CPA6: variants seen among roughly 807,000 people sequenced by gnomAD.
CPA6 encodes carboxypeptidase A6, also known as carboxypeptidase B.
Under a neutral mutation model 63.3 loss-of-function variants are expected in CPA6, and 58 were observed. That is an observed-to-expected ratio of 0.92 (90% CI 0.74 to 1.14). The LOEUF is 1.14. Among genes scored for constraint, CPA6 ranks in the 50% most tolerant of loss-of-function variants. The pLI, the probability that CPA6 is intolerant of heterozygous loss-of-function variation, is 0.00. For synonymous variants in CPA6, 185 were observed against 179.0 expected (o/e 1.03, Z -0.27); for missense variants, 565 against 526.6 (o/e 1.07, Z -0.71).
chr8:67,629,855 C>G (rs73251050), intron 1 of CPA6, among the ~76,000 whole-genome samples: 37,097 of 151,778 alleles, frequency 0.24, 4,641 homozygotes, highest in Middle Eastern at 0.34. Flanking sequence ...ACCTGTAATC[C>G]CAGTACTTTG....
intron 8 of CPA6, among the ~76,000 whole-genome samples, chr8:67,447,559 A>C: frequency 6.7e-6 from 1 of 149,360 alleles, no homozygotes; most frequent in Non-Finnish European, 1.5e-5. Flanking sequence ...ACACATTTTA[A>C]ATAGGTGATA....
At chr8:67,730,051 T>C (rs1817678257) in intron 1 of CPA6, among the ~76,000 whole-genome samples, 1 of 152,234 alleles carries the variant, frequency 6.6e-6, no homozygotes, top group Admixed American at 6.5e-5. Context: ...CAACAAGCAA[T>C]TCTCTCACAC....
intron 2 of CPA6, among the ~76,000 whole-genome samples, chr8:67,590,985 C>A (rs1427119872): frequency 2.6e-5 from 4 of 152,120 alleles, no homozygotes; most frequent in African/African-American, 7.2e-5. Context: ...AATGGTAATG[C>A]CTAGGTTTTC....
At chr8:67,490,343 G>A (rs1191804918) in intron 6 of CPA6, among the ~76,000 whole-genome samples, 1 of 152,140 alleles carries the variant, frequency 6.6e-6, no homozygotes, top group East Asian at 1.9e-4. Flanking sequence ...AAAAGGAGAT[G>A]CCCAATAATC....
chr8:67,653,144 C>T (rs935324282), intron 1 of CPA6, among the ~76,000 whole-genome samples: 1 of 151,108 alleles, frequency 6.6e-6, no homozygotes, highest in Non-Finnish European at 1.5e-5. Flanking sequence ...GTTACTGTAG[C>T]CTTGTAGTAT....
At chr8:67,670,238 T>C (rs568750270) in intron 1 of CPA6, among the ~76,000 whole-genome samples, 3 of 152,280 alleles carry the variant, frequency 2.0e-5, no homozygotes, top group Non-Finnish European at 4.4e-5. Flanking sequence ...ACATAATGGC[T>C]TCTGGGGAGG....
intron 1 of CPA6, among the ~76,000 whole-genome samples, chr8:67,713,077 GTGTGTA>G (rs1200474036): frequency 2.0e-4 from 17 of 83,080 alleles, no homozygotes; most frequent in South Asian, 1.6e-3. Context: ...GTGTATCTGT[GTGTGTA>G]TGTGTGTGTG....
intron 2 of CPA6, among the ~76,000 whole-genome samples, chr8:67,582,994 C>T (rs1048299613): frequency 6.6e-6 from 1 of 152,008 alleles, no homozygotes; most frequent in Non-Finnish European, 1.5e-5. Context: ...GTTTTGGCTA[C>T]TGAGAAGTAC....
At chr8:67,504,938 G>T (rs975712570) in intron 6 of CPA6, among the ~76,000 whole-genome samples, 1 of 152,158 alleles carries the variant, frequency 6.6e-6, no homozygotes, top group Non-Finnish European at 1.5e-5. Flanking sequence ...ATGATGTATC[G>T]GTGGAAATGG....
chr8:67,428,798 T>G (rs1809954060), intron 9 of CPA6, among the ~76,000 whole-genome samples: 1 of 152,188 alleles, frequency 6.6e-6, no homozygotes. Context: ...TACCTATTTC[T>G]ATAAGTTACA....
chr8:67,482,950 T>C (rs1811390169), intron 8 of CPA6, among the ~76,000 whole-genome samples: 1 of 152,188 alleles, frequency 6.6e-6, no homozygotes, highest in African/African-American at 2.4e-5. Flanking sequence ...GCTAGTGGGA[T>C]GGGAGGATTG....
At chr8:67,646,827 C>T (rs1285522847) in intron 1 of CPA6, among the ~76,000 whole-genome samples, 1 of 152,104 alleles carries the variant, frequency 6.6e-6, no homozygotes, top group African/African-American at 2.4e-5. Flanking sequence ...ATAGGCTTGC[C>T]CTGTTTGAGG....
In CPA6 at chr8:67,484,766, G is replaced by T. The variant is rs760763469; in HGVS notation, c.660C>A (p.Asp220Glu). ...GATTCAACATTTTTCTCATGGCTGGGTCACTCTTATATGTTAGAAGAGCCT... is the reference window on the plus strand; with the variant it reads ...GATTCAACATTTTTCTCATGGCTGGTTCACTCTTATATGTTAGAAGAGCCT... ...VKEALLTYKS[D>E]PAMRKMLNHL... Residue 220 changes from aspartate to glutamate, a missense_variant, in exon 7 of 11, where the codon GAC becomes GAA. Transcript: ENST00000297770. 9 of 1,606,498 alleles carry T rather than the reference G, an allele frequency of 5.6e-6. No homozygotes were observed. Among genetic ancestry groups the T allele is most frequent in the Non-Finnish European group, 7.7e-6 (9 of 1,173,398 alleles).
chr8:67,696,708 T>C (rs1174844380), intron 1 of CPA6, among the ~76,000 whole-genome samples: 5 of 151,464 alleles, frequency 3.3e-5, no homozygotes, highest in Non-Finnish European at 1.5e-5. Flanking sequence ...GCTACAAATA[T>C]ATGAACTACA....
At chr8:67,698,167 T>C (rs1298711316) in intron 1 of CPA6, among the ~76,000 whole-genome samples, 1 of 152,176 alleles carries the variant, frequency 6.6e-6, no homozygotes, top group Non-Finnish European at 1.5e-5. Context: ...ATGAAGAGCC[T>C]TTGACTAGAT....
intron 4 of CPA6, among the ~76,000 whole-genome samples, chr8:67,509,876 A>G (rs1812008442): frequency 6.6e-6 from 1 of 152,186 alleles, no homozygotes; most frequent in African/African-American, 2.4e-5. Context: ...CTACTACCAT[A>G]TATCATTAAT....
In CPA6 at chr8:67,647,525, A is replaced by C. The variant is rs376394999; in HGVS notation, c.117-23274T>G. ...TAATTTGAGGTGTTGCAGCTCAGAA[A>C]CCAATGCCACAAAATACGATGCTTT... On this transcript the variant is annotated intron_variant, in intron 1 of 10. Transcript: ENST00000297770. Among the ~76,000 whole-genome samples, 10 of 152,218 alleles carry C rather than the reference A, an allele frequency of 6.6e-5. 1 individual carries two copies. Among genetic ancestry groups the C allele is most frequent in the Admixed American group, 2.6e-4 (4 of 15,288 alleles).
chr8:67,553,631 A>AC (rs1812998120), intron 2 of CPA6, among the ~76,000 whole-genome samples: 1 of 152,168 alleles, frequency 6.6e-6, no homozygotes, highest in South Asian at 2.1e-4. Context: ...GAGTGGAAAA[A>AC]ATAATCATTT....
At chr8:67,711,877 C>G (rs1817269414) in intron 1 of CPA6, among the ~76,000 whole-genome samples, 1 of 152,146 alleles carries the variant, frequency 6.6e-6, no homozygotes, top group African/African-American at 2.4e-5. Context: ...AATCAATACC[C>G]TGGTGGCACT....
Sources: allele counts gnomAD v4.1 joint callset (sites outside exome capture counted in the v4.1 genomes callset), GRCh38; gene constraint gnomAD v4.1.1; transcripts MANE v1.5; gene names NCBI Gene and HGNC (gene_info 2026-07-23, HGNC 2026-07-21).